PLA2G4E: variants seen among roughly 807,000 people sequenced by gnomAD.
The protein encoded by PLA2G4E is phospholipase A2 group IVE, also known as cytosolic phospholipase A2 epsilon.
Under a neutral mutation model 109.1 loss-of-function variants are expected in PLA2G4E, and 84 were observed. That is an observed-to-expected ratio of 0.77 (90% CI 0.65 to 0.92). The LOEUF (loss-of-function observed/expected upper bound fraction) is 0.92. Ranked by LOEUF, PLA2G4E falls within the 40% of genes least tolerant of loss-of-function variation. PLA2G4E has a pLI of 0.00. For missense variants in PLA2G4E, 1,057 were observed against 1,076.6 expected, an observed-to-expected ratio of 0.98 and a Z score of 0.25; for synonymous variants, 469 against 436.1, an observed-to-expected ratio of 1.08 and a Z score of -0.94.
intron 1 of PLA2G4E, chr15:42,050,493 G>A: frequency 6.5e-7 from 1 of 1,543,140 alleles, no homozygotes; most frequent in South Asian, 1.2e-5. Context: ...TAAGGGACCA[G>A]ACCCCCCTCC....
intron 1 of PLA2G4E, among the ~76,000 whole-genome samples, chr15:42,036,402 G>C (rs558726123): frequency 3.9e-5 from 6 of 152,330 alleles, no homozygotes; most frequent in Non-Finnish European, 7.4e-5. Flanking sequence ...CTGGGGATGC[G>C]CTTCTGGGGC....
chr15:42,006,188 G>T, intron 3 of PLA2G4E, 67 bp from the exon 4 acceptor site: 1 of 1,590,740 alleles, frequency 6.3e-7, no homozygotes, highest in South Asian at 1.1e-5. Flanking sequence ...AGAACAAGGG[G>T]CTTGACCTCT....
chr15:42,036,108 G>A (rs1889208406), intron 1 of PLA2G4E, among the ~76,000 whole-genome samples: 1 of 152,166 alleles, frequency 6.6e-6, no homozygotes, highest in Admixed American at 6.5e-5. Flanking sequence ...TGATTTTGTG[G>A]GTTAGACATT....
chr15:42,002,711 G>A lies in PLA2G4E; in HGVS notation c.567-15C>T, dbSNP rs2068434776. 1.3e-6 allele frequency: 2 copies of A among 1,568,768 alleles called. No individual in the cohort carries two copies. The highest frequency in any genetic ancestry group is 1.7e-6 in the Non-Finnish European group (2 of 1,155,884). ...GTGGAGAGGGACTGAAAAACAAAAGGAGAACTCCTGGTCAATTCTAGCATT... is the reference window on the plus strand; with the variant it reads ...GTGGAGAGGGACTGAAAAACAAAAGAAGAACTCCTGGTCAATTCTAGCATT... On this transcript the variant is annotated splice_polypyrimidine_tract_variant and intron_variant, in intron 5 of 19. Coordinates refer to ENST00000399518, the Ensembl canonical transcript of PLA2G4E.
chr15:42,035,209 C>T (rs1889187249), intron 1 of PLA2G4E, among the ~76,000 whole-genome samples: 1 of 152,198 alleles, frequency 6.6e-6, no homozygotes, highest in African/African-American at 2.4e-5. Context: ...CTGTTCTTCT[C>T]GCCTCATTTC....
chr15:42,040,544 G>A (rs1237034938), intron 1 of PLA2G4E, among the ~76,000 whole-genome samples: 1 of 152,186 alleles, frequency 6.6e-6, no homozygotes, highest in East Asian at 1.9e-4. Flanking sequence ...ACAGTTTTCA[G>A]ATATTAGGTT....
intron 1 of PLA2G4E, among the ~76,000 whole-genome samples, chr15:42,036,086 T>G (rs1417796446): frequency 6.6e-6 from 1 of 152,226 alleles, no homozygotes. Flanking sequence ...TTGTGACCTA[T>G]TCCACAACTT....
intron 1 of PLA2G4E, among the ~76,000 whole-genome samples, chr15:42,025,334 G>T (rs1473871815): frequency 6.6e-6 from 1 of 152,198 alleles, no homozygotes; most frequent in Non-Finnish European, 1.5e-5. Context: ...TAGGTCAGAG[G>T]CATACTCTCT....
chr15:41,988,273 C>T (rs1049937373), intron 15 of PLA2G4E, 117 bp from the exon 16 acceptor site: 31 of 708,962 alleles, frequency 4.4e-5, no homozygotes, highest in East Asian at 2.2e-4. Flanking sequence ...GCTCCACAGG[C>T]GGGACAGACT....
exon 20 of PLA2G4E, chr15:41,982,097 G>A (rs2068075285): frequency 6.6e-6 from 1 of 152,144 alleles, no homozygotes; most frequent in Non-Finnish European, 1.5e-5. Context: ...ATGTACATCG[G>A]AGGCCAATTT....
chr15:42,041,416 G>A (rs1889315054), intron 1 of PLA2G4E, among the ~76,000 whole-genome samples: 1 of 152,200 alleles, frequency 6.6e-6, no homozygotes, highest in Non-Finnish European at 1.5e-5. Context: ...ATACTGGTGA[G>A]TGGAGCTGGG....
intron 1 of PLA2G4E, among the ~76,000 whole-genome samples, chr15:42,022,652 CT>C (rs2141066589): frequency 6.6e-6 from 1 of 152,240 alleles, no homozygotes. Flanking sequence ...TCTAATGCCA[CT>C]GCTGATCTGA....
At chr15:42,003,004 A>T (rs2068437530) in intron 5 of PLA2G4E, among the ~76,000 whole-genome samples, 2 of 152,234 alleles carry the variant, frequency 1.3e-5, no homozygotes, top group Non-Finnish European at 2.9e-5. Flanking sequence ...AGAAGAATAA[A>T]TAGGTTGTAA....
chr15:42,025,222 G>T (rs1034415723), intron 1 of PLA2G4E, among the ~76,000 whole-genome samples: 2 of 150,130 alleles, frequency 1.3e-5, no homozygotes, highest in African/African-American at 4.9e-5. Flanking sequence ...AAAAGGAAAA[G>T]AAAAGAAAAG....
intron 1 of PLA2G4E, among the ~76,000 whole-genome samples, chr15:42,046,197 A>T (rs1889412989): frequency 6.6e-6 from 1 of 152,222 alleles, no homozygotes; most frequent in Admixed American, 6.5e-5. Context: ...CCCCCAGGAA[A>T]TCCATGCTCC....
intron 2 of PLA2G4E, among the ~76,000 whole-genome samples, chr15:42,012,900 T>C (rs1318055467): frequency 2.0e-5 from 3 of 152,164 alleles, no homozygotes; most frequent in African/African-American, 7.2e-5. Context: ...TATACAGCTT[T>C]TTCCCCCTTG....
chr15:42,016,744 C>G (rs565732079), intron 1 of PLA2G4E, among the ~76,000 whole-genome samples: 23 of 152,286 alleles, frequency 1.5e-4, no homozygotes, highest in African/African-American at 5.5e-4. Flanking sequence ...GCCTTAAAAC[C>G]AGGACAAAAG....
intron 2 of PLA2G4E, among the ~76,000 whole-genome samples, chr15:42,011,271 G>C (rs181633582): frequency 1.3e-5 from 2 of 152,396 alleles, no homozygotes; most frequent in Admixed American, 1.3e-4. Flanking sequence ...CTAGCTGCCT[G>C]CTCTTCCTCA....
chr15:41,988,061 C>T, exon 16 of PLA2G4E: 1 of 1,603,554 alleles, frequency 6.2e-7, no homozygotes, highest in Non-Finnish European at 8.5e-7. Context: ...ATGTCCTGCA[C>T]TTTCTCCCTT....
Sources: allele counts gnomAD v4.1 joint callset (sites outside exome capture counted in the v4.1 genomes callset), GRCh38; gene constraint gnomAD v4.1.1; transcripts MANE v1.5; gene names NCBI Gene and HGNC (gene_info 2026-07-23, HGNC 2026-07-21).